The following NHS variants were observed in gnomAD, a reference collection of about 807,000 sequenced individuals.
NHS encodes NHS actin remodeling regulator, also known as actin remodeling regulator NHS.
In NHS, 5 loss-of-function variants were observed where a neutral mutation model predicts 72.5. That is an observed-to-expected ratio of 0.07 (90% CI 0.04 to 0.14). NHS has a LOEUF of 0.14. Ranked by LOEUF, NHS falls within the 10% of genes least tolerant of loss-of-function variation. The pLI is 1.00. For missense variants in NHS, 1,072 were observed against 1,355.7 expected (o/e 0.79, Z 3.29); for synonymous variants, 464 against 547.7 (o/e 0.85, Z 2.13).
chrX:17,422,097 C>A (rs2064626842), intron 1 of NHS, among the ~76,000 whole-genome samples: 1 of 111,945 alleles, frequency 8.9e-6, no homozygotes, highest in Non-Finnish European at 1.9e-5. Context: ...CCTTTCACAA[C>A]AGTAACTACT....
intron 1 of NHS, among the ~76,000 whole-genome samples, chrX:17,666,266 G>C (rs189074934): frequency 1.8e-5 from 2 of 112,433 alleles, no homozygotes; most frequent in Admixed American, 1.9e-4. Context: ...ATGGTATTGA[G>C]GGAAATGATT....
chrX:17,673,475 C>G (rs1009025033), intron 1 of NHS, among the ~76,000 whole-genome samples: 1 of 111,349 alleles, frequency 9.0e-6, no homozygotes, highest in Non-Finnish European at 1.9e-5. Flanking sequence ...CTATGGCCCT[C>G]GAGCAAGCAA....
chrX:17,449,483 G>A (rs992747758), intron 1 of NHS, among the ~76,000 whole-genome samples: 4 of 112,494 alleles, frequency 3.6e-5, no homozygotes, highest in Non-Finnish European at 5.6e-5. Flanking sequence ...CTTGGGAGAG[G>A]CCTGAAGAAG....
At chrX:17,576,081 A>G (rs1207983226) in intron 1 of NHS, among the ~76,000 whole-genome samples, 1 of 111,644 alleles carries the variant, frequency 9.0e-6, no homozygotes, top group African/African-American at 3.3e-5. Flanking sequence ...TAGAAGTTCA[A>G]TAGTTCTCTC....
intron 3 of NHS, among the ~76,000 whole-genome samples, chrX:17,706,696 G>A (rs894239127): frequency 2.1e-4 from 24 of 111,760 alleles, no homozygotes; most frequent in African/African-American, 6.5e-4. Flanking sequence ...GATATAAGGT[G>A]ATTAAAAGCT....
intron 1 of NHS, among the ~76,000 whole-genome samples, chrX:17,684,907 T>C (rs2066152905): frequency 1.8e-5 from 2 of 111,951 alleles, no homozygotes; most frequent in South Asian, 7.5e-4. Context: ...GTTCCATTTT[T>C]ATGAGAACAA....
intron 1 of NHS, among the ~76,000 whole-genome samples, chrX:17,595,802 T>C (rs1459795881): frequency 1.8e-5 from 2 of 112,509 alleles, no homozygotes; most frequent in Non-Finnish European, 3.8e-5. Flanking sequence ...TTAACTTCTT[T>C]AATGGGCAAT....
chrX:17,491,754 C>CTTT (rs760624484), intron 1 of NHS, among the ~76,000 whole-genome samples: 2 of 68,568 alleles, frequency 2.9e-5, no homozygotes, highest in African/African-American at 5.4e-5. Flanking sequence ...TGGTCCTGGG[C>CTTT]TTTTTTTTTT....
chrX:17,609,219 C>A (rs1242921496), intron 1 of NHS, among the ~76,000 whole-genome samples: 2 of 111,910 alleles, frequency 1.8e-5, no homozygotes, highest in African/African-American at 6.5e-5. Context: ...TAAATAATTA[C>A]CTTATGGAAA....
chrX:17,552,906 T>A (rs1017875687), intron 1 of NHS, among the ~76,000 whole-genome samples: 5 of 113,068 alleles, frequency 4.4e-5, no homozygotes, highest in African/African-American at 1.6e-4. Context: ...CATTAGTGCT[T>A]GAGAAGCACT....
intron 2 of NHS, among the ~76,000 whole-genome samples, chrX:17,689,477 A>AT (rs749211907): frequency 8.9e-6 from 1 of 111,743 alleles, no homozygotes; most frequent in Non-Finnish European, 1.9e-5. Flanking sequence ...TGCAGCCTGG[A>AT]TTAGGCACCC....
chrX:17,417,462 G>A (rs2064602446), intron 1 of NHS, among the ~76,000 whole-genome samples: 1 of 111,821 alleles, frequency 8.9e-6, no homozygotes. Flanking sequence ...GGGTAGATAA[G>A]CAGAGCAGCA....
intron 3 of NHS, among the ~76,000 whole-genome samples, chrX:17,704,880 CT>C (rs1275007627): frequency 8.9e-6 from 1 of 112,072 alleles, no homozygotes; most frequent in Non-Finnish European, 1.9e-5. Context: ...ATCAGGGAGG[CT>C]AAAAGACCAA....
chrX:17,712,015 A>G (rs1274188320), intron 3 of NHS, among the ~76,000 whole-genome samples: 1 of 107,700 alleles, frequency 9.3e-6, no homozygotes, highest in Admixed American at 1.0e-4. Context: ...GATGGAATTA[A>G]AGGGTATACA....
intron 1 of NHS, among the ~76,000 whole-genome samples, chrX:17,544,224 AGAAGT>A (rs1163794912): frequency 1.8e-5 from 2 of 112,502 alleles, no homozygotes; most frequent in Admixed American, 9.4e-5. Context: ...GGAGACACGA[AGAAGT>A]GAAGTGACTT....
At chrX:17,731,388 C>T (rs947643600) in intron 8 of NHS, among the ~76,000 whole-genome samples, 1 of 108,695 alleles carries the variant, frequency 9.2e-6, no homozygotes, top group Non-Finnish European at 1.9e-5. Flanking sequence ...CAGGCATGCT[C>T]CATCATGCCC....
At chrX:17,729,990 A>G (rs2066476566) in intron 8 of NHS, among the ~76,000 whole-genome samples, 1 of 112,270 alleles carries the variant, frequency 8.9e-6, no homozygotes, top group Non-Finnish European at 1.9e-5. Flanking sequence ...ACTGCTGTTC[A>G]ACAATTGTTT....
chrX:17,595,279 A>C (rs1802453943), intron 1 of NHS, among the ~76,000 whole-genome samples: 1 of 111,751 alleles, frequency 8.9e-6, no homozygotes, highest in Admixed American at 9.5e-5. Context: ...CTGATGGTAT[A>C]GACACTTTCC....
intron 1 of NHS, among the ~76,000 whole-genome samples, chrX:17,473,933 T>C (rs754018122): frequency 9.9e-5 from 11 of 111,516 alleles, no homozygotes; most frequent in Non-Finnish European, 1.9e-4. Context: ...TATTTTTAAC[T>C]TTTATTTTAG....
Sources: allele counts gnomAD v4.1 joint callset (sites outside exome capture counted in the v4.1 genomes callset), GRCh38; gene constraint gnomAD v4.1.1; transcripts MANE v1.5; gene names NCBI Gene and HGNC (gene_info 2026-07-23, HGNC 2026-07-21).